Variants in TTC27 observed in about 807,000 individuals in gnomAD.
TTC27 encodes the protein tetratricopeptide repeat domain 27, also known as tetratricopeptide repeat protein 27.
A neutral mutation model predicts 115.9 loss-of-function variants in TTC27; 79 were observed. The observed-to-expected ratio is 0.68, with a 90% confidence interval of 0.57 to 0.82. The LOEUF (loss-of-function observed/expected upper bound fraction) is 0.82. Ranked by LOEUF, TTC27 falls within the 40% of genes least tolerant of loss-of-function variation. TTC27 has a pLI of 0.00. For synonymous variants in TTC27, 401 were observed against 356.0 expected, an observed-to-expected ratio of 1.13 and a Z score of -1.42; for missense variants, 1,054 against 993.1, an observed-to-expected ratio of 1.06 and a Z score of -0.82.
intron 10 of TTC27, among the ~76,000 whole-genome samples, chr2:32,731,032 G>A (rs948063336): frequency 6.6e-6 from 1 of 152,178 alleles, no homozygotes; most frequent in Admixed American, 6.5e-5. Flanking sequence ...CTGTGCAGGA[G>A]TGAAAATAGG....
chr2:32,784,361 T>G (rs1670280877), intron 15 of TTC27, among the ~76,000 whole-genome samples: 1 of 152,350 alleles, frequency 6.6e-6, no homozygotes, highest in South Asian at 2.1e-4. Context: ...ACTCTTTTCT[T>G]TCTTTGCTAA....
intron 10 of TTC27, among the ~76,000 whole-genome samples, chr2:32,706,666 G>A (rs1667380049): frequency 2.0e-5 from 3 of 151,706 alleles, no homozygotes; most frequent in African/African-American, 7.3e-5. Context: ...CCAGGTTCAA[G>A]CGATTCTCAT....
chr2:32,693,856 A>G (rs1015670708), intron 9 of TTC27, among the ~76,000 whole-genome samples: 1 of 152,238 alleles, frequency 6.6e-6, no homozygotes, highest in African/African-American at 2.4e-5. Context: ...TCTTTTTATG[A>G]AAAGATACCA....
At chr2:32,712,619 G>C (rs1387211565) in intron 10 of TTC27, among the ~76,000 whole-genome samples, 1 of 151,756 alleles carries the variant, frequency 6.6e-6, no homozygotes, top group Admixed American at 6.6e-5. Context: ...GAGTGCAATG[G>C]CATGATCTCG....
intron 16 of TTC27, among the ~76,000 whole-genome samples, chr2:32,792,737 T>G (rs1355076823): frequency 6.6e-6 from 1 of 152,194 alleles, no homozygotes; most frequent in Non-Finnish European, 1.5e-5. Flanking sequence ...CCTTCCTGCT[T>G]TGAGGACCTC....
At chr2:32,684,090 G>A (rs1351977929) in intron 9 of TTC27, among the ~76,000 whole-genome samples, 10 of 152,204 alleles carry the variant, frequency 6.6e-5, no homozygotes, top group East Asian at 5.8e-4. Context: ...CCCGGGAGGC[G>A]GAAGTTGCAG....
chr2:32,680,773 C>T (rs1666393651), intron 9 of TTC27, among the ~76,000 whole-genome samples: 1 of 152,066 alleles, frequency 6.6e-6, no homozygotes, highest in Non-Finnish European at 1.5e-5. Context: ...TGGGATTGGT[C>T]CATAAGCAGT....
At chr2:32,725,158 C>A (rs1244744896) in intron 10 of TTC27, among the ~76,000 whole-genome samples, 1 of 152,124 alleles carries the variant, frequency 6.6e-6, no homozygotes, top group African/African-American at 2.4e-5. Flanking sequence ...CACAGACAAA[C>A]CGTATTATTT....
intron 9 of TTC27, among the ~76,000 whole-genome samples, chr2:32,688,213 T>C (rs947232537): frequency 6.6e-6 from 1 of 152,140 alleles, no homozygotes; most frequent in African/African-American, 2.4e-5. Flanking sequence ...AACCAAACAA[T>C]TAAACTGCAT....
chr2:32,817,570 T>C lies in TTC27; in HGVS notation c.2409+13T>C, dbSNP rs1012272139. On this transcript the variant is annotated intron_variant, in intron 19 of 19. Transcript: ENST00000317907. ...ATCTAAAGCAAAGGTGAGAGTGACA[T>C]GTGAATTAATTGGAATTGTCATATA... The C allele has an allele frequency of 1.9e-6, 3 of 1,602,166 alleles. No homozygotes were observed. Among genetic ancestry groups the C allele is most frequent in the Non-Finnish European group, 2.6e-6 (3 of 1,169,294 alleles).
chr2:32,641,314 A>G (rs776196566), intron 4 of TTC27, among the ~76,000 whole-genome samples: 1 of 152,072 alleles, frequency 6.6e-6, no homozygotes, highest in East Asian at 1.9e-4. Flanking sequence ...GCGCTATTCA[A>G]CTCTGCTGCA....
chr2:32,638,145 A>T (rs1664498171), intron 3 of TTC27, among the ~76,000 whole-genome samples: 1 of 152,162 alleles, frequency 6.6e-6, no homozygotes, highest in African/African-American at 2.4e-5. Context: ...ATTTTTATGG[A>T]TCTGTTTCCT....
At chr2:32,682,140 T>A (rs1034590497) in intron 9 of TTC27, among the ~76,000 whole-genome samples, 9 of 151,864 alleles carry the variant, frequency 5.9e-5, no homozygotes, top group Middle Eastern at 3.2e-3. Flanking sequence ...ATAGTTGTTG[T>A]GAATAAATGC....
chr2:32,629,056 G>A (rs114614946), intron 1 of TTC27, among the ~76,000 whole-genome samples: 2,206 of 151,470 alleles, frequency 0.015, 30 homozygotes, highest in Non-Finnish European at 0.024. Context: ...CACCGCGCCC[G>A]GGTCTGGTTA....
intron 16 of TTC27, among the ~76,000 whole-genome samples, chr2:32,787,673 C>A (rs1188286359): frequency 6.6e-6 from 1 of 152,098 alleles, no homozygotes; most frequent in Non-Finnish European, 1.5e-5. Context: ...GCTGTTGTGT[C>A]ATCCAAAATA....
intron 14 of TTC27, among the ~76,000 whole-genome samples, chr2:32,781,428 A>T (rs6746991): frequency 6.6e-6 from 1 of 151,812 alleles, no homozygotes; most frequent in Admixed American, 6.6e-5. Context: ...CATGTCCGCC[A>T]TTTTTTAAAA....
chr2:32,668,146 A>G lies in TTC27; in HGVS notation c.939+1378A>G, dbSNP rs184996873. Among the ~76,000 whole-genome samples the G allele has an allele frequency of 3.9e-5, 6 of 152,040 alleles. No homozygotes were observed. In the East Asian group the frequency reaches 1.2e-3, roughly 30 times the overall value. ...ACGGAGCTTGCAGTGAGCCGAGATC[A>G]TGCCACTGCACTCCAGCCTGGGTGA... On this transcript the variant is annotated intron_variant, in intron 7 of 19. Coordinates refer to ENST00000317907, the MANE Select transcript of TTC27 (RefSeq NM_017735.5).
At chr2:32,638,869 G>A (rs775537668) in intron 3 of TTC27, among the ~76,000 whole-genome samples, 2 of 151,828 alleles carry the variant, frequency 1.3e-5, no homozygotes, top group Non-Finnish European at 2.9e-5. Flanking sequence ...GTCTTGCTCT[G>A]TCACCCAGGC....
At chr2:32,765,600 T>A (rs1020674162) in intron 13 of TTC27, among the ~76,000 whole-genome samples, 8 of 152,160 alleles carry the variant, frequency 5.3e-5, no homozygotes, top group African/African-American at 1.4e-4. Context: ...TCCTTTGAAG[T>A]CAGGCATTGA....
Sources: allele counts gnomAD v4.1 joint callset (sites outside exome capture counted in the v4.1 genomes callset), GRCh38; gene constraint gnomAD v4.1.1; transcripts MANE v1.5; gene names NCBI Gene and HGNC (gene_info 2026-07-23, HGNC 2026-07-21).